Variants in SUSD6 observed in about 807,000 individuals in gnomAD.
SUSD6 encodes sushi domain-containing protein 6.
A neutral mutation model predicts 28.4 loss-of-function variants in SUSD6; 16 were observed. The ratio of observed to expected loss-of-function variants is 0.56; its 90% CI spans 0.38 to 0.86. The LOEUF (loss-of-function observed/expected upper bound fraction) is 0.86. Among genes scored for constraint, SUSD6 ranks in the 40% least tolerant of loss-of-function variants. The pLI is 0.00. For synonymous variants in SUSD6, 147 were observed against 159.6 expected (o/e 0.92, Z 0.59); for missense variants, 341 against 384.2 (o/e 0.89, Z 0.94).
At chr14:69,679,944 C>T (rs534606960) in intron 2 of SUSD6, among the ~76,000 whole-genome samples, 1 of 152,250 alleles carries the variant, frequency 6.6e-6, no homozygotes, top group African/African-American at 2.4e-5. Context: ...CTCAGAAACA[C>T]TTATATGGCC....
chr14:69,667,731 A>G (rs1885766058), intron 2 of SUSD6, among the ~76,000 whole-genome samples: 1 of 152,056 alleles, frequency 6.6e-6, no homozygotes, highest in Non-Finnish European at 1.5e-5. Context: ...GGAGCCCTTC[A>G]GTAGGCTGTG....
rs1052767579 is a variant in SUSD6, at chr14:69,644,868, G to C, written c.-80-13645G>C. Among the ~76,000 whole-genome samples, 3 of 152,120 alleles carry C rather than the reference G, an allele frequency of 2.0e-5. No homozygotes were observed. In the South Asian group the frequency reaches 6.2e-4, roughly 31 times the overall value. On this transcript the variant is annotated intron_variant, in intron 1 of 5. Transcript: ENST00000342745. ...ATGCAGGGAACTGGAAGTATGACTG[G>C]AGCTAGAACTAGAACATATAGACCT...
chr14:69,698,649 G>T (rs1162409193), intron 2 of SUSD6, among the ~76,000 whole-genome samples: 3 of 152,174 alleles, frequency 2.0e-5, no homozygotes, highest in Non-Finnish European at 2.9e-5. Flanking sequence ...GCTGGTGAGG[G>T]TCCTCAGCAG....
chr14:69,668,029 C>T (rs890577644), intron 2 of SUSD6, among the ~76,000 whole-genome samples: 1 of 152,216 alleles, frequency 6.6e-6, no homozygotes, highest in Non-Finnish European at 1.5e-5. Flanking sequence ...AGAATCATGG[C>T]TTGTCCTCTG....
intron 1 of SUSD6, among the ~76,000 whole-genome samples, chr14:69,642,771 T>A (rs1208933957): frequency 1.3e-5 from 2 of 151,892 alleles, no homozygotes; most frequent in Admixed American, 6.6e-5. Flanking sequence ...TGACTCTGAG[T>A]GAGTTCTAGG....
chr14:69,642,868 A>G (rs1885373517), intron 1 of SUSD6, among the ~76,000 whole-genome samples: 1 of 152,168 alleles, frequency 6.6e-6, no homozygotes, highest in South Asian at 2.1e-4. Flanking sequence ...ACTCAGCCCA[A>G]AACTCAAAGG....
intron 2 of SUSD6, among the ~76,000 whole-genome samples, chr14:69,675,481 CTG>C (rs1234669984): frequency 1.3e-5 from 2 of 151,964 alleles, no homozygotes; most frequent in Non-Finnish European, 2.9e-5. Flanking sequence ...ACCTTGGGAA[CTG>C]TAGTCTCTGG....
At chr14:69,684,136 A>G (rs1195479772) in intron 2 of SUSD6, among the ~76,000 whole-genome samples, 2 of 152,210 alleles carry the variant, frequency 1.3e-5, no homozygotes, top group African/African-American at 4.8e-5. Context: ...CATAATGTGT[A>G]GCAGGTTTCA....
chr14:69,664,886 A>G (rs1885716290), intron 2 of SUSD6, among the ~76,000 whole-genome samples: 1 of 152,196 alleles, frequency 6.6e-6, no homozygotes, highest in African/African-American at 2.4e-5. Flanking sequence ...CTCAGTCTTC[A>G]ATGATTCTAG....
At position 69,658,043 on chromosome 14, in the gene SUSD6, G is replaced by A. The variant is rs191064465; in HGVS notation, c.-80-470G>A. On this transcript the variant is annotated intron_variant, in intron 1 of 5. Transcript: ENST00000342745. ...TTGGCAGTTTAGCAAGCAGGCTGGG[G>A]CCCTCAGCTCCCACTGCTGCATTCC... Among the ~76,000 whole-genome samples the A allele has an allele frequency of 9.8e-5, 15 of 152,344 alleles. 1 individual carries two copies. The highest frequency in any genetic ancestry group is 5.8e-4 in the East Asian group (3 of 5,196).
At chr14:69,615,086 G>C (rs1159316645) in intron 1 of SUSD6, among the ~76,000 whole-genome samples, 1 of 152,224 alleles carries the variant, frequency 6.6e-6, no homozygotes, top group Non-Finnish European at 1.5e-5. Flanking sequence ...CAATAGAGGA[G>C]GGAGCCCCAT....
chr14:69,709,427 T>C (rs991072894), intron 5 of SUSD6, among the ~76,000 whole-genome samples: 4 of 152,178 alleles, frequency 2.6e-5, no homozygotes, highest in African/African-American at 4.8e-5. Context: ...ATAAATGTTA[T>C]GTTCCTGAAA....
intron 1 of SUSD6, among the ~76,000 whole-genome samples, chr14:69,634,191 C>T (rs1055858655): frequency 1.1e-4 from 16 of 152,192 alleles, no homozygotes; most frequent in Admixed American, 3.9e-4. Flanking sequence ...TGGTGAATCA[C>T]CCCAGAAGGA....
At chr14:69,644,131 G>C (rs1411786025) in intron 1 of SUSD6, among the ~76,000 whole-genome samples, 1 of 152,146 alleles carries the variant, frequency 6.6e-6, no homozygotes, top group East Asian at 1.9e-4. Context: ...ACTCTTAAGG[G>C]CGTATGCTTC....
At chr14:69,700,115 A>G (rs1290941050) in intron 2 of SUSD6, among the ~76,000 whole-genome samples, 1 of 152,118 alleles carries the variant, frequency 6.6e-6, no homozygotes, top group Non-Finnish European at 1.5e-5. Flanking sequence ...GCCCTTTTCT[A>G]TTGGCACAGC....
chr14:69,625,759 T>G (rs1395818544), intron 1 of SUSD6, among the ~76,000 whole-genome samples: 2 of 152,156 alleles, frequency 1.3e-5, no homozygotes, highest in Non-Finnish European at 2.9e-5. Flanking sequence ...GGCACACTCT[T>G]TACCACTCCC....
rs139226244 is a variant in SUSD6, at chr14:69,692,915, A to G, written c.122-10480A>G. On this transcript the variant is annotated intron_variant, in intron 2 of 5. Coordinates refer to ENST00000342745, the MANE Select transcript of SUSD6 (RefSeq NM_014734.4). ...GAGATGAGGAATTCTGAGAGGGGAG[A>G]GCAAACACATATTTTAGCTCAGGTA... is the stretch of plus-strand genomic sequence containing the variant. Among the ~76,000 whole-genome samples, 354 of 152,316 alleles carry G rather than the reference A, an allele frequency of 2.3e-3. 2 individuals are homozygous for G. The highest frequency in any genetic ancestry group is 0.01 in the Middle Eastern group (3 of 294).
At chr14:69,629,244 G>A (rs1300847973) in intron 1 of SUSD6, among the ~76,000 whole-genome samples, 1 of 151,996 alleles carries the variant, frequency 6.6e-6, no homozygotes, top group African/African-American at 2.4e-5. Context: ...TGGAGGGGGT[G>A]TAATGTTGGA....
intron 1 of SUSD6, among the ~76,000 whole-genome samples, chr14:69,632,739 C>A (rs914542838): frequency 5.9e-5 from 9 of 152,060 alleles, no homozygotes; most frequent in South Asian, 2.1e-4. Flanking sequence ...GCTGAGATGA[C>A]TGACCCTAGC....
Sources: allele counts gnomAD v4.1 joint callset (sites outside exome capture counted in the v4.1 genomes callset), GRCh38; gene constraint gnomAD v4.1.1; transcripts MANE v1.5; gene names NCBI Gene and HGNC (gene_info 2026-07-23, HGNC 2026-07-21).